The following FKBP7 variants were observed in gnomAD, a reference collection of about 807,000 sequenced individuals.
FKBP7 encodes the protein peptidyl-prolyl cis-trans isomerase FKBP7.
A neutral mutation model predicts 24.3 loss-of-function variants in FKBP7; 24 were observed. The observed-to-expected ratio is 0.99, with a 90% CI of 0.72 to 1.39. The LOEUF is 1.39. Among genes scored for constraint, FKBP7 ranks in the 40% most tolerant of loss-of-function variants. The pLI is 0.00. For missense variants in FKBP7, 257 were observed against 269.5 expected (o/e 0.95, Z 0.33); for synonymous variants, 98 against 92.8 (o/e 1.06, Z -0.32).
At chr2:178,466,443 AT>A (rs1456122188) in intron 3 of FKBP7, among the ~76,000 whole-genome samples, 2 of 152,152 alleles carry the variant, frequency 1.3e-5, no homozygotes, top group African/African-American at 4.8e-5. Context: ...ATAATGTCAA[AT>A]AAAGAATCCT....
chr2:178,476,923 T>C, intron 2 of FKBP7, 139 bp downstream of exon 2: 1 of 623,214 alleles, frequency 1.6e-6, no homozygotes, highest in Non-Finnish European at 2.7e-6. Flanking sequence ...TTGTCTATTG[T>C]ACATGGCTGC....
rs1684587366 is a variant in FKBP7 at position 178,463,906 on chromosome 2, T to C, written c.*1864A>G. Reference sequence around the variant, plus strand: ...AAATAAAGAATATTGAGTTACTTAGTTTACTTCAACGGAGCAGGTTTTTTT... The same window carrying C: ...AAATAAAGAATATTGAGTTACTTAGCTTACTTCAACGGAGCAGGTTTTTTT... On this transcript the variant is annotated 3_prime_UTR_variant, in exon 4 of 4. Transcript: ENST00000424785. The C allele has an allele frequency of 6.6e-6, 1 of 152,180 alleles. No individual in the cohort carries two copies. The allele number at this position is 152,180 out of a possible 1,614,324, so 9.4% of individuals were successfully genotyped here. A position where few individuals can be genotyped will look rare whatever the true frequency, so the allele number is the denominator to read the frequency against.
chr2:178,466,176 T>A (rs571270060), intron 3 of FKBP7, among the ~76,000 whole-genome samples: 29 of 152,280 alleles, frequency 1.9e-4, no homozygotes, highest in Non-Finnish European at 3.8e-4. Flanking sequence ...ACTCGAAGAT[T>A]AATATTTAAA....
chr2:178,472,543 C>T (rs551382115), intron 2 of FKBP7, among the ~76,000 whole-genome samples: 7 of 151,404 alleles, frequency 4.6e-5, no homozygotes, highest in African/African-American at 1.2e-4. Context: ...GGCGCGATCT[C>T]GGCTCACTGT....
At position 178,465,793 on chromosome 2, in the gene FKBP7, C is replaced by T; in HGVS notation, c.646G>A (p.Val216Ile). 3 of 1,601,738 alleles carry T rather than the reference C, an allele frequency of 1.9e-6. No homozygotes were observed. Among genetic ancestry groups the T allele is most frequent in the Non-Finnish European group, 2.6e-6 (3 of 1,175,064 alleles). Reference sequence around the variant, plus strand: ...TGCTATAGTTCATCGTGTTGGTATACATTGTATTCCTTGGGAGAAATGAAG... The same window carrying T: ...TGCTATAGTTCATCGTGTTGGTATATATTGTATTCCTTGGGAGAAATGAAG... ...DGFISPKEYNVYQHDEL is the reference protein window; with the variant it reads ...DGFISPKEYNIYQHDEL The change falls in exon 4 of 4, where the codon GTA becomes ATA. Residue 216 changes from valine to isoleucine, a missense_variant. Val to Ile is a conservative substitution (Grantham distance 29). Coordinates refer to ENST00000424785, the MANE Select transcript of FKBP7 (RefSeq NM_181342.3).
intron 3 of FKBP7, among the ~76,000 whole-genome samples, chr2:178,468,549 G>A: frequency 6.6e-6 from 1 of 152,022 alleles, no homozygotes; most frequent in African/African-American, 2.4e-5. Context: ...TTGAGCCCAG[G>A]GGTTTAAGGG....
chr2:178,476,855 T>C (rs1685017935), intron 2 of FKBP7, among the ~76,000 whole-genome samples: 1 of 151,958 alleles, frequency 6.6e-6, no homozygotes, highest in Non-Finnish European at 1.5e-5. Context: ...CATATATGCA[T>C]GTATTCATTT....
chr2:178,464,016 G>A lies in FKBP7; in HGVS notation c.*1754C>T, dbSNP rs1017322413. ...CATAGAAATGAAGAAATATTGGGAG[G>A]AAGGAAAAGATAGTACAGATTCTTG... On this transcript the variant is annotated 3_prime_UTR_variant, in exon 4 of 4. Transcript: ENST00000424785. 4 of 152,146 alleles carry A rather than the reference G, an allele frequency of 2.6e-5. No individual in the cohort carries two copies. The highest frequency in any genetic ancestry group is 9.7e-5 in the African/African-American group (4 of 41,418). 9.4% of individuals were successfully genotyped at this position (152,146 alleles called of 1,614,324 possible).
chr2:178,467,608 T>C (rs1684709543), intron 3 of FKBP7, among the ~76,000 whole-genome samples: 1 of 152,216 alleles, frequency 6.6e-6, no homozygotes, highest in Non-Finnish European at 1.5e-5. Flanking sequence ...TGGCCATCAA[T>C]AAAAGACAGC....
chr2:178,469,573 A>G, intron 3 of FKBP7, 79 bp downstream of exon 3: 2 of 1,480,398 alleles, frequency 1.4e-6, no homozygotes, highest in Non-Finnish European at 1.9e-6. Flanking sequence ...CTAGACCTAA[A>G]AAGTAATAGT....
chr2:178,470,544 T>G (rs1280477146), intron 2 of FKBP7, among the ~76,000 whole-genome samples: 1 of 152,248 alleles, frequency 6.6e-6, no homozygotes. Flanking sequence ...GAGTCATCTT[T>G]TAGAAAGTGA....
intron 3 of FKBP7, among the ~76,000 whole-genome samples, chr2:178,468,120 A>C (rs1684731497): frequency 6.6e-6 from 1 of 152,158 alleles, no homozygotes; most frequent in South Asian, 2.1e-4. Flanking sequence ...AAACAGAGAA[A>C]AAGACTTATT....
At chr2:178,467,441 G>T (rs1347573443) in intron 3 of FKBP7, among the ~76,000 whole-genome samples, 3 of 151,522 alleles carry the variant, frequency 2.0e-5, no homozygotes, top group Non-Finnish European at 4.4e-5. Flanking sequence ...TTTTGTTTTT[G>T]TTTTTTTAGT....
rs1425145174 is a variant in FKBP7 at position 178,478,389 on chromosome 2, T to C, written c.111A>G (p.Ile37Met). The change falls in exon 1 of 4, where the codon ATA (isoleucine) becomes ATG (methionine). Residue 37 changes from isoleucine to methionine, a missense_variant. Coordinates refer to ENST00000424785, the MANE Select transcript of FKBP7 (RefSeq NM_181342.3). ...KKEESTEEVK[I>M]EVLHRPENCS... ...AGTTTTCTGGACGATGCAAAACTTCTATTTTCACTTCTTCGGTGCTCTCCT... is the reference window on the plus strand; with the variant it reads ...AGTTTTCTGGACGATGCAAAACTTCCATTTTCACTTCTTCGGTGCTCTCCT... The C allele has an allele frequency of 3.7e-6, 6 of 1,614,264 alleles. No individual in the cohort carries two copies. The South Asian group carries it at 6.6e-5, about 18-fold the overall frequency.
At chr2:178,472,851 CAAA>C (rs71674220) in intron 2 of FKBP7, among the ~76,000 whole-genome samples, 1 of 62,508 alleles carries the variant, frequency 1.6e-5, no homozygotes, top group African/African-American at 7.3e-5. Flanking sequence ...GACTCCATCT[CAAA>C]AAAAAAAAAA....
In FKBP7 at chr2:178,477,191, G is replaced by A. The variant is rs766857407; in HGVS notation, c.244C>T (p.Pro82Ser). ...CCAACACCAAGAACAAACCATTTGGGGTGGCCTTCATTTTGTGTCCGGCTA... is the reference window on the plus strand; with the variant it reads ...CCAACACCAAGAACAAACCATTTGGAGTGGCCTTCATTTTGTGTCCGGCTA... ...YCSRTQNEGH[P>S]KWFVLGVGQV... Residue 82 changes from proline to serine, a missense_variant, in exon 2 of 4, where the codon CCC (proline) becomes TCC (serine). Transcript: ENST00000424785. 7 of 1,610,182 alleles carry A rather than the reference G, an allele frequency of 4.3e-6. No individual in the cohort carries two copies. The highest frequency in any genetic ancestry group is 5.1e-6 in the Non-Finnish European group (6 of 1,178,952).
chr2:178,466,954 G>T (rs1316709502), intron 3 of FKBP7, among the ~76,000 whole-genome samples: 1 of 152,146 alleles, frequency 6.6e-6, no homozygotes, highest in Non-Finnish European at 1.5e-5. Context: ...ATTGCAAGTT[G>T]ACTTTATTTT....
At chr2:178,474,202 A>G (rs929913759) in intron 2 of FKBP7, among the ~76,000 whole-genome samples, 2 of 152,226 alleles carry the variant, frequency 1.3e-5, no homozygotes. Context: ...TGGAGTCAGC[A>G]GTGGCTCTAA....
At position 178,465,871 on chromosome 2, in the gene FKBP7, G is replaced by C; in HGVS notation, c.568C>G (p.Gln190Glu). Residue 190 changes from glutamine (Q) to glutamate (E), a missense_variant, in exon 4 of 4, where the codon CAG (glutamine) becomes GAG (glutamate). Gln to Glu is a conservative substitution (Grantham distance 29, BLOSUM62 2). Coordinates refer to ENST00000424785, the MANE Select transcript of FKBP7 (RefSeq NM_181342.3). The part of the protein sequence containing the change: ...KDEKPRDKSY[Q>E]DAVLEDIFKK... ...AAAATATCTTCTAAAACTGCATCCT[G>C]ATATGACTTGTCACGTGGCTTCTCA... 2.5e-6 allele frequency: 4 copies of C among 1,610,914 alleles called. No individual in the cohort carries two copies. Among genetic ancestry groups the C allele is most frequent in the Non-Finnish European group, 3.4e-6 (4 of 1,178,830 alleles).
Sources: allele counts gnomAD v4.1 joint callset (sites outside exome capture counted in the v4.1 genomes callset), GRCh38; gene constraint gnomAD v4.1.1; transcripts MANE v1.5; gene names NCBI Gene and HGNC (gene_info 2026-07-23, HGNC 2026-07-21).